ADAMTSL1: variants seen among roughly 807,000 people sequenced by gnomAD.
ADAMTSL1 encodes ADAMTS-like protein 1.
A neutral mutation model predicts 201.8 loss-of-function variants in ADAMTSL1; 126 were observed. The ratio of observed to expected loss-of-function variants is 0.62; its 90% CI spans 0.54 to 0.72. The LOEUF (loss-of-function observed/expected upper bound fraction) is 0.72. Ranked by LOEUF, ADAMTSL1 falls within the 30% of genes least tolerant of loss-of-function variation. The pLI, the probability that ADAMTSL1 is intolerant of heterozygous loss-of-function variation, is 0.00. For missense variants in ADAMTSL1, 2,679 were observed against 2,277.8 expected (o/e 1.18, Z -3.59); for synonymous variants, 1,121 against 903.4 (o/e 1.24, Z -4.32).
At chr9:18,181,618 A>G (rs1342707134) in intron 2 of ADAMTSL1, among the ~76,000 whole-genome samples, 2 of 152,190 alleles carry the variant, frequency 1.3e-5, no homozygotes, top group African/African-American at 2.4e-5. Flanking sequence ...AATGGCGATC[A>G]TTAAAAAGTC....
At chr9:17,939,287 C>T (rs1447753142) in intron 1 of ADAMTSL1, among the ~76,000 whole-genome samples, 1 of 70,396 alleles carries the variant, frequency 1.4e-5, no homozygotes, top group East Asian at 4.5e-4. Context: ...AGCCTCCCTT[C>T]ATTAGAAACT....
intron 1 of ADAMTSL1, among the ~76,000 whole-genome samples, chr9:18,005,887 A>G (rs1228793173): frequency 2.0e-5 from 3 of 151,982 alleles, no homozygotes; most frequent in Non-Finnish European, 4.4e-5. Flanking sequence ...ATCACAGGAC[A>G]TTTTATATTA....
intron 17 of ADAMTSL1, among the ~76,000 whole-genome samples, chr9:18,773,286 A>G (rs1292941194): frequency 6.6e-6 from 1 of 152,176 alleles, no homozygotes; most frequent in Non-Finnish European, 1.5e-5. Flanking sequence ...TGGAAGTAAG[A>G]CCTCTCAAAA....
chr9:18,713,123 C>T (rs986295482), intron 14 of ADAMTSL1, among the ~76,000 whole-genome samples: 1,526 of 151,066 alleles, frequency 0.01, 5 homozygotes, highest in Middle Eastern at 0.017. Flanking sequence ...AAGGAACAAC[C>T]GGTACCAGCC....
Position 18,204,338 on chromosome 9 carries a change from C to T in ADAMTSL1, c.207+40357C>T, listed in dbSNP as rs1342109463. On this transcript the variant is annotated intron_variant, in intron 2 of 29. Transcript: ENST00000680146. ...TATATAGGTGGCTCTTTCCCCTTCACTTGGCACTTCTCCTTCCTGCCACCT... is the reference window on the plus strand; with the variant it reads ...TATATAGGTGGCTCTTTCCCCTTCATTTGGCACTTCTCCTTCCTGCCACCT... 4.6e-5 allele frequency among the ~76,000 whole-genome samples: 7 copies of T among 152,078 alleles called. No homozygotes were observed. In the South Asian group the frequency reaches 6.2e-4, roughly 14 times the overall value.
intron 2 of ADAMTSL1, among the ~76,000 whole-genome samples, chr9:18,460,843 A>G (rs1264514158): frequency 2.0e-5 from 3 of 152,162 alleles, no homozygotes; most frequent in African/African-American, 2.4e-5. Context: ...ACAAACTCAC[A>G]TTTCAGTGAA....
intron 2 of ADAMTSL1, among the ~76,000 whole-genome samples, chr9:18,405,605 A>C (rs1465354677): frequency 6.6e-6 from 1 of 151,916 alleles, no homozygotes; most frequent in Non-Finnish European, 1.5e-5. Flanking sequence ...TGGAGAGAAG[A>C]AAGGGCAAAA....
At chr9:18,576,171 C>T (rs555375542) in intron 4 of ADAMTSL1, among the ~76,000 whole-genome samples, 10 of 152,016 alleles carry the variant, frequency 6.6e-5, no homozygotes, top group East Asian at 1.9e-4. Flanking sequence ...GTAACTTATA[C>T]GTAGAAATAA....
chr9:18,208,868 C>T (rs1829757024), intron 2 of ADAMTSL1, among the ~76,000 whole-genome samples: 1 of 152,174 alleles, frequency 6.6e-6, no homozygotes, highest in African/African-American at 2.4e-5. Context: ...CTTTCTGGTT[C>T]TGTGGCCACA....
intron 2 of ADAMTSL1, among the ~76,000 whole-genome samples, chr9:18,272,052 G>T (rs904316431): frequency 6.6e-6 from 1 of 151,522 alleles, no homozygotes; most frequent in African/African-American, 2.4e-5. Flanking sequence ...ATTTGTTTGA[G>T]TTCTTTGTAG....
intron 1 of ADAMTSL1, among the ~76,000 whole-genome samples, chr9:17,959,540 C>T (rs573924808): frequency 6.6e-6 from 1 of 152,102 alleles, no homozygotes; most frequent in Non-Finnish European, 1.5e-5. Context: ...CTCACTGCAA[C>T]CTCTGCCTCC....
At chr9:17,940,889 T>G (rs1827216101) in intron 1 of ADAMTSL1, among the ~76,000 whole-genome samples, 1 of 132,324 alleles carries the variant, frequency 7.6e-6, no homozygotes, top group African/African-American at 2.6e-5. Flanking sequence ...TTTCTGCACT[T>G]AAAGAAAATT....
At chr9:18,862,984 C>T (rs1827303442) in intron 23 of ADAMTSL1, among the ~76,000 whole-genome samples, 1 of 152,172 alleles carries the variant, frequency 6.6e-6, no homozygotes, top group Admixed American at 6.5e-5. Context: ...AGGTTCAATT[C>T]TGATCAACAG....
intron 1 of ADAMTSL1, among the ~76,000 whole-genome samples, chr9:18,016,945 T>C (rs1182018415): frequency 6.6e-6 from 1 of 152,006 alleles, no homozygotes; most frequent in African/African-American, 2.4e-5. Flanking sequence ...GATAACACCA[T>C]ACACTTTCAT....
intron 1 of ADAMTSL1, among the ~76,000 whole-genome samples, chr9:18,109,292 C>G (rs909924475): frequency 6.6e-6 from 1 of 152,100 alleles, no homozygotes; most frequent in African/African-American, 2.4e-5. Context: ...CTTGGTAGAT[C>G]TGCCAGGAAT....
chr9:18,147,609 C>A (rs1252936202), intron 1 of ADAMTSL1, among the ~76,000 whole-genome samples: 1 of 152,146 alleles, frequency 6.6e-6, no homozygotes, highest in Non-Finnish European at 1.5e-5. Context: ...CTCATTTTCA[C>A]TGCCATCAAC....
intron 2 of ADAMTSL1, among the ~76,000 whole-genome samples, chr9:18,176,124 C>T (rs1828142680): frequency 6.7e-6 from 1 of 150,166 alleles, no homozygotes. Flanking sequence ...GGTCTTGTTT[C>T]AAGAATGTTG....
chr9:18,282,075 C>T (rs904574449), intron 2 of ADAMTSL1, among the ~76,000 whole-genome samples: 7 of 152,058 alleles, frequency 4.6e-5, no homozygotes, highest in Admixed American at 1.3e-4. Context: ...TAGTGGACAC[C>T]GTACCTAACG....
At chr9:18,415,356 T>G (rs1276845640) in intron 2 of ADAMTSL1, among the ~76,000 whole-genome samples, 2 of 152,148 alleles carry the variant, frequency 1.3e-5, no homozygotes, top group Non-Finnish European at 2.9e-5. Context: ...AGATGTATTT[T>G]TAAAAAACAA....
Sources: allele counts gnomAD v4.1 joint callset (sites outside exome capture counted in the v4.1 genomes callset), GRCh38; gene constraint gnomAD v4.1.1; transcripts MANE v1.5; gene names NCBI Gene and HGNC (gene_info 2026-07-23, HGNC 2026-07-21).